ESRRB: variants seen among roughly 807,000 people sequenced by gnomAD.
The protein encoded by ESRRB is estrogen related receptor beta.
ESRRB carries 16 observed loss-of-function variants against 46.0 expected under a neutral mutation model. The observed-to-expected ratio is 0.35, with a 90% confidence interval of 0.24 to 0.53. The LOEUF is 0.53. ESRRB is among the 20% of genes least tolerant of loss of function. ESRRB has a pLI of 0.93. For synonymous variants in ESRRB, 246 were observed against 259.6 expected (o/e 0.95, Z 0.50); for missense variants, 488 against 607.4 (o/e 0.80, Z 2.07).
At chr14:76,321,865 C>T (rs1486565779) in intron 1 of ESRRB, among the ~76,000 whole-genome samples, 1 of 148,058 alleles carries the variant, frequency 6.8e-6, no homozygotes, top group Non-Finnish European at 1.5e-5. Context: ...CCGGCCTGGG[C>T]TAAAGAGCGG....
At chr14:76,422,586 C>T (rs1196179931) in intron 1 of ESRRB, among the ~76,000 whole-genome samples, 1 of 152,170 alleles carries the variant, frequency 6.6e-6, no homozygotes, top group Non-Finnish European at 1.5e-5. Context: ...CTTGCTGTGG[C>T]TGCCAGGACC....
chr14:76,467,656 G>A (rs1297246142), intron 3 of ESRRB, among the ~76,000 whole-genome samples: 1 of 152,114 alleles, frequency 6.6e-6, no homozygotes, highest in Non-Finnish European at 1.5e-5. Context: ...AATCTTAAAA[G>A]ACGGCCTTGT....
chr14:76,408,769 G>A (rs1230174436), intron 1 of ESRRB, among the ~76,000 whole-genome samples: 1 of 152,024 alleles, frequency 6.6e-6, no homozygotes, highest in African/African-American at 2.4e-5. Flanking sequence ...CTGCATGAAG[G>A]AAAAGGAAAA....
intron 6 of ESRRB, among the ~76,000 whole-genome samples, chr14:76,494,555 C>T (rs942031657): frequency 3.3e-5 from 5 of 152,204 alleles, no homozygotes; most frequent in African/African-American, 1.2e-4. Context: ...GATCCACCCA[C>T]CTCAGCCTCT....
rs990573445 is a variant in ESRRB at position 76,499,150 on chromosome 14, C to CA, written c.*692_*693insA. The stretch of plus-strand genomic sequence containing the variant: ...CCACCTGTCCTCCTCCTCTTCTCCT[C>CA]CCCCCGGGAGTCCCCCGCTACTTCC... On this transcript the variant is annotated 3_prime_UTR_variant, in exon 7 of 7. Coordinates refer to ENST00000644823, the MANE Select transcript of ESRRB (RefSeq NM_001379180.1). The CA allele has an allele frequency of 7.8e-6, 2 of 254,960 alleles. No individual in the cohort carries two copies. Among genetic ancestry groups the CA allele is most frequent in the Non-Finnish European group, 1.5e-5 (2 of 134,338 alleles). 15.8% of individuals were successfully genotyped at this position (254,960 alleles called of 1,614,324 possible). A position where few individuals can be genotyped will look rare whatever the true frequency, so the allele number is the denominator to read the frequency against.
intron 6 of ESRRB, among the ~76,000 whole-genome samples, chr14:76,494,830 G>C (rs1301722186): frequency 6.6e-5 from 10 of 152,162 alleles, no homozygotes; most frequent in Non-Finnish European, 1.5e-4. Context: ...AGGAAGGCTG[G>C]CCAGGCCTTG....
At chr14:76,381,911 C>T (rs932232468) in intron 1 of ESRRB, among the ~76,000 whole-genome samples, 3 of 152,168 alleles carry the variant, frequency 2.0e-5, no homozygotes, top group Non-Finnish European at 4.4e-5. Flanking sequence ...TGGAGCTGCA[C>T]GGTCTTTTCC....
chr14:76,329,103 A>G (rs535473434), intron 1 of ESRRB, among the ~76,000 whole-genome samples: 243 of 152,178 alleles, frequency 1.6e-3, no homozygotes, highest in Admixed American at 3.9e-3. Flanking sequence ...GGTATTTAGG[A>G]AAAAGCAATT....
At chr14:76,344,784 G>A (rs560567882) in intron 1 of ESRRB, among the ~76,000 whole-genome samples, 7 of 151,972 alleles carry the variant, frequency 4.6e-5, no homozygotes, top group South Asian at 2.1e-4. Context: ...CCTAGGAGGC[G>A]GAAGTTGCAG....
intron 1 of ESRRB, among the ~76,000 whole-genome samples, chr14:76,358,311 C>CAAA (rs1191247686): frequency 3.5e-4 from 8 of 23,110 alleles, no homozygotes; most frequent in East Asian, 1.2e-3. Flanking sequence ...GACTCTGTCT[C>CAAA]AAAAAAAAAA....
At chr14:76,328,419 G>A (rs1883962484) in intron 1 of ESRRB, among the ~76,000 whole-genome samples, 1 of 152,154 alleles carries the variant, frequency 6.6e-6, no homozygotes, top group Admixed American at 6.5e-5. Flanking sequence ...TCAGCTTCTG[G>A]GGGACTCTAT....
intron 2 of ESRRB, among the ~76,000 whole-genome samples, chr14:76,442,600 C>G (rs764922404): frequency 1.4e-4 from 21 of 152,172 alleles, no homozygotes; most frequent in South Asian, 6.2e-4. Context: ...TGCCTAGCAC[C>G]TAGTAAGTGC....
chr14:76,330,975 C>T (rs1287003489), intron 1 of ESRRB, among the ~76,000 whole-genome samples: 1 of 152,112 alleles, frequency 6.6e-6, no homozygotes. Context: ...ATGGCATTGC[C>T]CTGCCCTGGA....
At chr14:76,403,929 G>A (rs1181682695) in intron 1 of ESRRB, among the ~76,000 whole-genome samples, 1 of 152,070 alleles carries the variant, frequency 6.6e-6, no homozygotes, top group Non-Finnish European at 1.5e-5. Flanking sequence ...ACGTTGGCCA[G>A]GCTGGTCCCG....
intron 2 of ESRRB, among the ~76,000 whole-genome samples, chr14:76,459,521 G>C (rs1888764287): frequency 1.4e-5 from 2 of 140,372 alleles, no homozygotes; most frequent in African/African-American, 5.1e-5. Context: ...TATGCAGAGC[G>C]AATGGAGGGA....
Position 76,460,709 on chromosome 14 carries a change from A to ATTTTTTTT in ESRRB, c.461-1834_461-1827dup, listed in dbSNP as rs58597850. On this transcript the variant is annotated intron_variant, in intron 2 of 6. Coordinates refer to ENST00000644823, the MANE Select transcript of ESRRB (RefSeq NM_001379180.1). ...TTCTTCATTTGTACGTTCCAGTTAC[A>ATTTTTTTT]TTTTTTTTTGAGACGGAGTTTTGCT... Among the ~76,000 whole-genome samples the ATTTTTTTT allele has an allele frequency of 4.7e-4, 67 of 141,620 alleles. 1 individual carries two copies. The highest frequency in any genetic ancestry group is 1.0e-3 in the African/African-American group (35 of 34,848). 92.9% of individuals were successfully genotyped at this position (141,620 alleles called of 152,430 possible).
intron 1 of ESRRB, among the ~76,000 whole-genome samples, chr14:76,353,823 G>C (rs1442500735): frequency 6.6e-6 from 1 of 152,070 alleles, no homozygotes; most frequent in Non-Finnish European, 1.5e-5. Context: ...AAATTATCCA[G>C]ATGTGGTGGT....
At chr14:76,324,067 C>T (rs1424585447) in intron 1 of ESRRB, among the ~76,000 whole-genome samples, 3 of 152,144 alleles carry the variant, frequency 2.0e-5, no homozygotes, top group Admixed American at 6.5e-5. Context: ...GGGGCAGAGC[C>T]TGAAATGGGC....
At chr14:76,405,721 T>C (rs1304097019) in intron 1 of ESRRB, among the ~76,000 whole-genome samples, 3 of 151,346 alleles carry the variant, frequency 2.0e-5, no homozygotes, top group Non-Finnish European at 4.4e-5. Context: ...GCCACTGCAC[T>C]CCAGCCTGGC....
Sources: gnomAD v4.1 joint callset for allele counts (sites outside exome capture counted in the v4.1 genomes callset) on GRCh38, gnomAD v4.1.1 for gene constraint, MANE v1.5 for transcripts, NCBI Gene and HGNC (gene_info 2026-07-23, HGNC 2026-07-21) for gene names.